The following SDK1 variants were observed in gnomAD, a reference collection of about 807,000 sequenced individuals.
SDK1 encodes protein sidekick-1.
In SDK1, 157 loss-of-function variants were observed where a neutral mutation model predicts 245.5. That is an observed-to-expected ratio of 0.64 (90% confidence interval 0.56 to 0.73). The LOEUF (loss-of-function observed/expected upper bound fraction) is 0.73, where lower values mean the gene tolerates loss of function less well. Ranked by LOEUF, SDK1 falls within the 30% of genes least tolerant of loss-of-function variation. The pLI is 0.00. For synonymous variants in SDK1, 1,647 were observed against 1,278.5 expected, an observed-to-expected ratio of 1.29 and a Z score of -6.15; for missense variants, 3,583 against 3,002.3, an observed-to-expected ratio of 1.19 and a Z score of -4.52.
In SDK1 at chr7:3,977,193, TGAGGCTGC is replaced by T. The variant is rs201582392; in HGVS notation, c.1994+2657_1994+2664del. On this transcript the variant is annotated intron_variant, in intron 13 of 44. Coordinates refer to ENST00000404826, the MANE Select transcript of SDK1 (RefSeq NM_152744.4). The stretch of plus-strand genomic sequence containing the variant: ...AGAGAATCACTGGGGGTCCCGGGGC[TGAGGCTGC>T]GAGGCTGCCACGCAGAGGGTCCTCC... Among the ~76,000 whole-genome samples the T allele has an allele frequency of 6.5e-4, 18 of 27,632 alleles. 5 individuals carry two copies. The African/African-American group carries it at 7.9e-3, about 12-fold the overall frequency. The allele number at this position is 27,632 out of a possible 152,430, so 18.1% of individuals were successfully genotyped here.
chr7:3,679,639 G>A (rs532176147), intron 4 of SDK1, among the ~76,000 whole-genome samples: 1 of 152,160 alleles, frequency 6.6e-6, no homozygotes, highest in Non-Finnish European at 1.5e-5. Flanking sequence ...TGTCAAACAG[G>A]TATATGAAAA....
intron 5 of SDK1, among the ~76,000 whole-genome samples, chr7:3,919,022 C>A (rs1269312271): frequency 6.6e-6 from 1 of 152,180 alleles, no homozygotes; most frequent in Non-Finnish European, 1.5e-5. Flanking sequence ...CTATTACTAT[C>A]ATTGCTAATA....
At chr7:3,939,914 C>T (rs549440293) in intron 5 of SDK1, among the ~76,000 whole-genome samples, 10 of 152,324 alleles carry the variant, frequency 6.6e-5, no homozygotes, top group African/African-American at 2.2e-4. Context: ...AAAAACTTAC[C>T]TGATTTTAAG....
chr7:3,360,088 T>C (rs1338306371), intron 1 of SDK1, among the ~76,000 whole-genome samples: 1 of 152,232 alleles, frequency 6.6e-6, no homozygotes, highest in Non-Finnish European at 1.5e-5. Context: ...GAAGTTTTTT[T>C]CCTCTTATGT....
intron 22 of SDK1, among the ~76,000 whole-genome samples, chr7:4,097,484 A>G (rs1782227949): frequency 6.6e-6 from 1 of 152,218 alleles, no homozygotes; most frequent in African/African-American, 2.4e-5. Context: ...TGGACAGGGC[A>G]TCGCACACAT....
intron 1 of SDK1, among the ~76,000 whole-genome samples, chr7:3,580,084 A>G (rs887139156): frequency 3.9e-5 from 6 of 152,202 alleles, no homozygotes; most frequent in South Asian, 2.1e-4. Context: ...ACAGCTAACC[A>G]GGGAGCCAAG....
intron 17 of SDK1, among the ~76,000 whole-genome samples, chr7:4,030,437 A>G (rs1787712677): frequency 6.6e-6 from 1 of 152,186 alleles, no homozygotes; most frequent in South Asian, 2.1e-4. Context: ...AGGAGCAGGA[A>G]GGTTGGGTCC....
At chr7:4,018,861 G>A (rs746560757) in intron 17 of SDK1, among the ~76,000 whole-genome samples, 8 of 152,168 alleles carry the variant, frequency 5.3e-5, no homozygotes, top group East Asian at 1.9e-4. Flanking sequence ...TGTAGGAGGC[G>A]GGGAGCAGAG....
At chr7:3,566,148 T>G (rs1779909410) in intron 1 of SDK1, among the ~76,000 whole-genome samples, 1 of 152,054 alleles carries the variant, frequency 6.6e-6, no homozygotes, top group Admixed American at 6.6e-5. Context: ...TAAAAAGGTG[T>G]CAGTTCTTCA....
At chr7:4,086,329 G>C (rs974426930) in intron 22 of SDK1, among the ~76,000 whole-genome samples, 3 of 152,210 alleles carry the variant, frequency 2.0e-5, no homozygotes, top group African/African-American at 7.2e-5. Context: ...CTGAGTGGCT[G>C]ATACAACATA....
chr7:4,159,781 T>C (rs1051120646), intron 31 of SDK1, among the ~76,000 whole-genome samples: 1 of 152,222 alleles, frequency 6.6e-6, no homozygotes, highest in African/African-American at 2.4e-5. Context: ...ATTAAAGATA[T>C]ACAGTGTAAC....
chr7:3,659,117 C>T (rs992292201), intron 4 of SDK1, among the ~76,000 whole-genome samples: 19 of 152,128 alleles, frequency 1.2e-4, no homozygotes, highest in Admixed American at 1.3e-4. Context: ...TTGTCTTTTT[C>T]GCTTTCTTTT....
intron 1 of SDK1, among the ~76,000 whole-genome samples, chr7:3,541,985 C>G (rs1375823324): frequency 6.6e-6 from 1 of 152,236 alleles, no homozygotes; most frequent in Non-Finnish European, 1.5e-5. Flanking sequence ...AGCACATCAA[C>G]ATGGCACATG....
At position 4,265,880 on chromosome 7, in the gene SDK1, A is replaced by C; in HGVS notation, c.*496A>C. 1.0e-6 allele frequency: 1 copy of C among 987,510 alleles called. No homozygotes were observed. The highest frequency in any genetic ancestry group is 1.2e-6 in the Non-Finnish European group (1 of 831,528). 61.2% of individuals were successfully genotyped at this position (987,510 alleles called of 1,614,324 possible). ...GGCGGCTCCTGGGGTTTGAAGAGCA[A>C]ACGTTTTTCCCTGGGCTCAGTGCGT... On this transcript the variant is annotated 3_prime_UTR_variant, in exon 45 of 45. Coordinates refer to ENST00000404826, the MANE Select transcript of SDK1 (RefSeq NM_152744.4).
intron 1 of SDK1, among the ~76,000 whole-genome samples, chr7:3,501,589 T>C (rs1782216236): frequency 6.6e-6 from 1 of 152,240 alleles, no homozygotes; most frequent in African/African-American, 2.4e-5. Context: ...AGATGAAGTA[T>C]TAATGCAAAC....
At chr7:3,371,560 A>C (rs1234472502) in intron 1 of SDK1, among the ~76,000 whole-genome samples, 1 of 152,220 alleles carries the variant, frequency 6.6e-6, no homozygotes, top group African/African-American at 2.4e-5. Context: ...TGATCGAAAT[A>C]AAAGAATGCG....
chr7:3,780,947 A>G (rs369604661), intron 4 of SDK1, among the ~76,000 whole-genome samples: 20 of 152,170 alleles, frequency 1.3e-4, no homozygotes, highest in African/African-American at 4.8e-4. Flanking sequence ...ACTCAGCCCA[A>G]AAGCCCACCC....
chr7:4,158,345 G>A (rs1016374589), intron 30 of SDK1, 103 bp from the exon 31 acceptor site: 24 of 884,114 alleles, frequency 2.7e-5, no homozygotes, highest in Middle Eastern at 4.4e-4. Flanking sequence ...AGCTCTCAGG[G>A]CAGGGGAGGG....
At chr7:3,350,269 A>G (rs1015951610) in intron 1 of SDK1, among the ~76,000 whole-genome samples, 1 of 152,146 alleles carries the variant, frequency 6.6e-6, no homozygotes. Flanking sequence ...AAAAAAACAA[A>G]GTTTATCAGT....
Sources: allele counts gnomAD v4.1 joint callset (sites outside exome capture counted in the v4.1 genomes callset), GRCh38; gene constraint gnomAD v4.1.1; transcripts MANE v1.5; gene names NCBI Gene and HGNC (gene_info 2026-07-23, HGNC 2026-07-21).